The following FGD4 variants were observed in gnomAD, a reference collection of about 807,000 sequenced individuals.
The protein encoded by FGD4 is FYVE, RhoGEF and PH domain-containing protein 4.
FGD4 carries 42 observed loss-of-function variants against 102.0 expected under a neutral mutation model. The observed-to-expected ratio is 0.41, with a 90% CI of 0.32 to 0.53. The LOEUF (loss-of-function observed/expected upper bound fraction) is 0.53. FGD4 is among the 20% of genes least tolerant of loss of function. The pLI, the probability that FGD4 is intolerant of heterozygous loss-of-function variation, is 0.21. For missense variants in FGD4, 902 were observed against 1,078.2 expected (o/e 0.84, Z 2.29); for synonymous variants, 380 against 375.7 (o/e 1.01, Z -0.13).
At chr12:32,462,254 T>G (rs1450794519) in intron 1 of FGD4, among the ~76,000 whole-genome samples, 1 of 152,084 alleles carries the variant, frequency 6.6e-6, no homozygotes, top group Non-Finnish European at 1.5e-5. Context: ...CCTCCCTGGT[T>G]CAAGCAATTC....
chr12:32,551,466 A>G (rs899045816), intron 1 of FGD4, among the ~76,000 whole-genome samples: 2 of 152,188 alleles, frequency 1.3e-5, no homozygotes, highest in Admixed American at 6.5e-5. Context: ...TCATTTATAG[A>G]TGACAAAATT....
chr12:32,543,581 C>T (rs913526539), intron 1 of FGD4, among the ~76,000 whole-genome samples: 4 of 152,160 alleles, frequency 2.6e-5, no homozygotes, highest in African/African-American at 2.4e-5. Context: ...AAGAACTCTC[C>T]GTTAGGAACA....
At chr12:32,536,582 A>G (rs7966860) in intron 1 of FGD4, among the ~76,000 whole-genome samples, 29,975 of 152,074 alleles carry the variant, frequency 0.2, 3,275 homozygotes, top group Middle Eastern at 0.31. Context: ...TCTCTGATTT[A>G]TCTCCCACCA....
intron 1 of FGD4, among the ~76,000 whole-genome samples, chr12:32,527,550 C>T (rs911989539): frequency 6.6e-5 from 10 of 152,174 alleles, no homozygotes; most frequent in Admixed American, 5.9e-4. Flanking sequence ...CTGTTTCAGC[C>T]TCCCGAGTAG....
At chr12:32,409,539 G>A (rs1591844037) in intron 1 of FGD4, among the ~76,000 whole-genome samples, 4 of 150,442 alleles carry the variant, frequency 2.7e-5, no homozygotes, top group East Asian at 2.0e-4. Flanking sequence ...CGCCTGCCTC[G>A]GCTTTCCAAA....
intron 2 of FGD4, among the ~76,000 whole-genome samples, chr12:32,564,788 T>C (rs914262385): frequency 1.3e-5 from 2 of 152,178 alleles, no homozygotes; most frequent in Admixed American, 6.5e-5. Flanking sequence ...TCATTCAGGA[T>C]TGAGTGGCCA....
intron 1 of FGD4, among the ~76,000 whole-genome samples, chr12:32,412,120 A>G (rs1233817460): frequency 2.0e-5 from 3 of 152,256 alleles, no homozygotes; most frequent in Non-Finnish European, 2.9e-5. Flanking sequence ...GATAGGGAAT[A>G]TTGGTATTCT....
At chr12:32,424,243 C>T (rs557338584) in intron 1 of FGD4, among the ~76,000 whole-genome samples, 16 of 152,042 alleles carry the variant, frequency 1.1e-4, no homozygotes, top group African/African-American at 2.2e-4. Flanking sequence ...TAACAGGCCC[C>T]GGTATGTGAT....
chr12:32,498,843 C>T (rs1347545970), intron 1 of FGD4, among the ~76,000 whole-genome samples: 6 of 152,168 alleles, frequency 3.9e-5, no homozygotes, highest in Admixed American at 3.3e-4. Flanking sequence ...CCTCGTGATC[C>T]GCCTGCCTTG....
At chr12:32,600,402 C>T (rs1398625941) in intron 5 of FGD4, 12 of 1,272,738 alleles carry the variant, frequency 9.4e-6, no homozygotes, top group Non-Finnish European at 1.1e-5. Context: ...TTCTTTTTGC[C>T]TCTCAAGAAA....
rs894533734 is a variant in FGD4 at position 32,404,575 on chromosome 12, A to C, written c.166+4616A>C. Among the ~76,000 whole-genome samples the C allele has an allele frequency of 2.6e-5, 4 of 152,142 alleles. No individual in the cohort carries two copies. The East Asian group carries it at 7.7e-4, about 29-fold the overall frequency. ...AATTTCAGAGGCAGGATTCAGACTT[A>C]TGTCACTGGCTTCAGTGCTTGCATG... On this transcript the variant is annotated intron_variant, in intron 1 of 16. Transcript: ENST00000534526.
At chr12:32,560,305 G>A (rs138557103) in intron 1 of FGD4, among the ~76,000 whole-genome samples, 5 of 152,252 alleles carry the variant, frequency 3.3e-5, no homozygotes, top group East Asian at 1.9e-4. Flanking sequence ...GGAGTGCAGC[G>A]CAATGGTGTG....
intron 1 of FGD4, among the ~76,000 whole-genome samples, chr12:32,521,270 G>A (rs1477427936): frequency 6.6e-6 from 1 of 151,664 alleles, no homozygotes; most frequent in African/African-American, 2.4e-5. Context: ...CAGCTACTCG[G>A]GAGGCTGAGG....
chr12:32,580,228 C>G (rs192114145), intron 3 of FGD4, among the ~76,000 whole-genome samples: 449 of 152,134 alleles, frequency 3.0e-3, no homozygotes, highest in Non-Finnish European at 3.4e-3. Context: ...AATTTCTAAG[C>G]CTAGATTTCT....
At chr12:32,516,472 A>G (rs1471258423) in intron 1 of FGD4, among the ~76,000 whole-genome samples, 1 of 152,182 alleles carries the variant, frequency 6.6e-6, no homozygotes, top group Admixed American at 6.5e-5. Context: ...TGTGGTTAGT[A>G]TCATCAGTAT....
chr12:32,489,761 A>G (rs147110170), intron 1 of FGD4, among the ~76,000 whole-genome samples: 1 of 152,112 alleles, frequency 6.6e-6, no homozygotes, highest in Admixed American at 6.5e-5. Context: ...ATATGACCCT[A>G]TTTTTCGTGT....
chr12:32,489,620 A>G (rs1422785328), intron 1 of FGD4, among the ~76,000 whole-genome samples: 1 of 152,184 alleles, frequency 6.6e-6, no homozygotes, highest in Non-Finnish European at 1.5e-5. Flanking sequence ...GGGGTTGATG[A>G]TTGATTCTGA....
chr12:32,470,463 CTTT>C (rs551854980), intron 1 of FGD4, among the ~76,000 whole-genome samples: 15 of 130,824 alleles, frequency 1.1e-4, no homozygotes, highest in Admixed American at 3.1e-4. Context: ...TTTTCTTTTT[CTTT>C]TTTTTTTTTT....
intron 1 of FGD4, among the ~76,000 whole-genome samples, chr12:32,440,581 C>T (rs1050805913): frequency 1.3e-5 from 2 of 152,196 alleles, no homozygotes; most frequent in Non-Finnish European, 2.9e-5. Flanking sequence ...AACTGAACCC[C>T]TGTGGCCACT....
Sources: gnomAD v4.1 joint callset for allele counts (sites outside exome capture counted in the v4.1 genomes callset) on GRCh38, gnomAD v4.1.1 for gene constraint, MANE v1.5 for transcripts, NCBI Gene and HGNC (gene_info 2026-07-23, HGNC 2026-07-21) for gene names.